APAF1: variants seen among roughly 807,000 people sequenced by gnomAD.
APAF1 encodes the protein apoptotic peptidase activating factor 1.
In APAF1, 91 loss-of-function variants were observed where a neutral mutation model predicts 152.4. That is an observed-to-expected ratio of 0.60 (90% CI 0.50 to 0.71). The LOEUF (loss-of-function observed/expected upper bound fraction) is 0.71. APAF1 is among the 30% of genes least tolerant of loss of function. The probability of loss-of-function intolerance (pLI) is 0.00; values close to 1 mark genes in which losing one functional copy is unlikely to be tolerated. For missense variants in APAF1, 1,283 were observed against 1,472.0 expected, an observed-to-expected ratio of 0.87 and a Z score of 2.10; for synonymous variants, 484 against 494.1, an observed-to-expected ratio of 0.98 and a Z score of 0.27.
intron 16 of APAF1, among the ~76,000 whole-genome samples, chr12:98,690,548 A>G (rs919699): frequency 0.9 from 137,136 of 152,194 alleles, 61,863 homozygotes; most frequent in African/African-American, 0.94. Context: ...CTAATTCCAA[A>G]TTCTGGGAAG....
chr12:98,683,425 C>T, intron 15 of APAF1, 151 bp downstream of exon 15: 2 of 824,768 alleles, frequency 2.4e-6, no homozygotes, highest in Non-Finnish European at 3.9e-6. Context: ...AAAAAAATAG[C>T]TTAAAAATAT....
chr12:98,662,811 G>C lies in APAF1; in HGVS notation c.955+5G>C. 6.2e-7 allele frequency: 1 copy of C among 1,606,996 alleles called. No homozygotes were observed. The highest frequency in any genetic ancestry group is 1.1e-5 in the South Asian group (1 of 90,738). Reference sequence around the variant, plus strand: ...GTATTATAAAAGAATGTAAAGGTATGGTTATTTATTTGTTTATGAGGAGAT... The same window carrying C: ...GTATTATAAAAGAATGTAAAGGTATCGTTATTTATTTGTTTATGAGGAGAT... On this transcript the variant is annotated splice_donor_5th_base_variant and intron_variant, in intron 7 of 26. Transcript: ENST00000551964.
At chr12:98,665,058 C>T (rs2097670375) in intron 7 of APAF1, among the ~76,000 whole-genome samples, 1 of 151,052 alleles carries the variant, frequency 6.6e-6, no homozygotes, top group Non-Finnish European at 1.5e-5. Context: ...AAGACAGAGT[C>T]TCACACTGTT....
chr12:98,664,623 G>A (rs955814432), intron 7 of APAF1, among the ~76,000 whole-genome samples: 1 of 151,918 alleles, frequency 6.6e-6, no homozygotes, highest in Non-Finnish European at 1.5e-5. Context: ...AGGCTTGAAT[G>A]TCTTGGCTTA....
At chr12:98,659,767 A>AT (rs1180389405) in intron 5 of APAF1, among the ~76,000 whole-genome samples, 1 of 150,808 alleles carries the variant, frequency 6.6e-6, no homozygotes, top group Non-Finnish European at 1.5e-5. Context: ...AAAAAAAAAA[A>AT]AAAAAGAGAG....
chr12:98,727,462 G>A (rs2097752192), intron 26 of APAF1, 146 bp downstream of exon 26: 3 of 881,894 alleles, frequency 3.4e-6, no homozygotes, highest in African/African-American at 1.7e-5. Flanking sequence ...TGGGAGGATC[G>A]CTGGAGTCTG....
At chr12:98,723,459 C>T (rs549993049) in intron 23 of APAF1, 147 bp downstream of exon 23, 1 of 1,030,302 alleles carries the variant, frequency 9.7e-7, no homozygotes, top group Non-Finnish European at 1.4e-6. Context: ...ATTGCAGTCA[C>T]CTACATCTGC....
chr12:98,721,658 C>T (rs1052389178), intron 22 of APAF1, among the ~76,000 whole-genome samples: 6 of 152,106 alleles, frequency 3.9e-5, no homozygotes, highest in East Asian at 1.9e-4. Flanking sequence ...ACTTCCAGTT[C>T]GTCTTCTAAA....
In APAF1 at chr12:98,662,449, A is replaced by C; in HGVS notation, c.711-7A>C. ...CATTAGTGATTAATATTTTTTTTTT[A>C]AATTAGGTCTCTCTTGATCTTGGAT... On this transcript the variant is annotated splice_polypyrimidine_tract_variant and splice_region_variant and intron_variant, in intron 5 of 26. Coordinates refer to ENST00000551964, the MANE Select transcript of APAF1 (RefSeq NM_181861.2). 6.3e-7 allele frequency: 1 copy of C among 1,589,372 alleles called. No individual in the cohort carries two copies. Among genetic ancestry groups the C allele is most frequent in the East Asian group, 2.2e-5 (1 of 44,606 alleles).
At chr12:98,682,337 G>A (rs2097693299) in intron 14 of APAF1, among the ~76,000 whole-genome samples, 1 of 152,210 alleles carries the variant, frequency 6.6e-6, no homozygotes, top group Non-Finnish European at 1.5e-5. Context: ...ACAGGCGTGA[G>A]CCACCGCGCC....
chr12:98,710,359 T>G, intron 20 of APAF1, among the ~76,000 whole-genome samples: 1 of 152,152 alleles, frequency 6.6e-6, no homozygotes, highest in East Asian at 1.9e-4. Context: ...TAACATAGTC[T>G]TATGCCATCT....
chr12:98,676,019 T>A (rs1213724780), intron 12 of APAF1, among the ~76,000 whole-genome samples: 1 of 152,186 alleles, frequency 6.6e-6, no homozygotes, highest in East Asian at 1.9e-4. Context: ...ATTTGCTCAT[T>A]TACACACCTA....
Position 98,666,185 on chromosome 12 carries a change from C to T in APAF1, c.1195-5C>T, listed in dbSNP as rs2097672504. The T allele has an allele frequency of 6.2e-7, 1 of 1,613,126 alleles. No individual in the cohort carries two copies. Among genetic ancestry groups the T allele is most frequent in the Non-Finnish European group, 8.5e-7 (1 of 1,179,274 alleles). ...GGCATATTAAATACTTACAACAATT[C>T]CTAGGTGTTATGTATTCTCTGGGAC... is the stretch of plus-strand genomic sequence containing the variant. On this transcript the variant is annotated splice_region_variant and splice_polypyrimidine_tract_variant and intron_variant, in intron 8 of 26. Transcript: ENST00000551964.
At chr12:98,725,624 C>G in intron 25 of APAF1, 84 bp downstream of exon 25, 2 of 1,582,310 alleles carry the variant, frequency 1.3e-6, no homozygotes, top group African/African-American at 1.3e-5. Flanking sequence ...TGTTCACGGG[C>G]CAGGGAAGCA....
chr12:98,677,435 AACATC>A lies in APAF1; in HGVS notation c.1807_1811del (p.Ile603GlufsTer21). On this transcript the variant is annotated frameshift_variant, in exon 13 of 27. Transcript: ENST00000551964. LOFTEE classifies it high-confidence loss of function. ...TTTCCCTGTATTTAGAAACAAAAAAAACATCACGAATCTTTCCCGCTTAGTTGTCC... is the reference window on the plus strand; with the variant it reads ...TTTCCCTGTATTTAGAAACAAAAAAAACGAATCTTTCCCGCTTAGTTGTCC... 1 of 1,614,164 alleles carries A rather than the reference AACATC, an allele frequency of 6.2e-7. No homozygotes were observed. Among genetic ancestry groups the A allele is most frequent in the South Asian group, 1.1e-5 (1 of 91,080 alleles).
At chr12:98,727,666 C>G (rs1331921004) in intron 26 of APAF1, among the ~76,000 whole-genome samples, 1 of 152,000 alleles carries the variant, frequency 6.6e-6, no homozygotes, top group African/African-American at 2.4e-5. Flanking sequence ...AAAAGCCAGG[C>G]ACGGTGGCTC....
rs1310318800 is a variant in APAF1 at position 98,733,756 on chromosome 12, A to AAAACTTGTATGTTGGAAAGAGTAGATTTT, written c.*1192_*1220dup. On this transcript the variant is annotated 3_prime_UTR_variant, in exon 27 of 27. Coordinates refer to ENST00000551964, the MANE Select transcript of APAF1 (RefSeq NM_181861.2). Reference sequence around the variant, plus strand: ...CCTTCAGCAGTTCTTTTTGTGAAGTAAAACTTGTATGTTGGAAAGAGTAGA... The same window carrying AAAACTTGTATGTTGGAAAGAGTAGATTTT: ...CCTTCAGCAGTTCTTTTTGTGAAGTAAAACTTGTATGTTGGAAAGAGTAGATTTTAAACTTGTATGTTGGAAAGAGTAGA... 12 of 152,252 alleles carry AAAACTTGTATGTTGGAAAGAGTAGATTTT rather than the reference A, an allele frequency of 7.9e-5. No homozygotes were observed. Among genetic ancestry groups the AAAACTTGTATGTTGGAAAGAGTAGATTTT allele is most frequent in the Non-Finnish European group, 1.5e-4 (10 of 68,070 alleles). 9.4% of individuals were successfully genotyped at this position (152,252 alleles called of 1,614,324 possible).
intron 22 of APAF1, among the ~76,000 whole-genome samples, chr12:98,719,435 C>T (rs1287918554): frequency 2.0e-5 from 3 of 152,134 alleles, no homozygotes; most frequent in South Asian, 2.1e-4. Context: ...CTGCAGCCTC[C>T]GCCTCCTGGG....
rs564591666 is a variant in APAF1 at position 98,677,008 on chromosome 12, C to G, written c.1794-417C>G. Among the ~76,000 whole-genome samples the G allele has an allele frequency of 5.9e-5, 9 of 152,212 alleles. No individual in the cohort carries two copies. In the South Asian group the frequency reaches 1.7e-3, roughly 28 times the overall value. On this transcript the variant is annotated intron_variant, in intron 12 of 26. Transcript: ENST00000551964. ...GTGTTTCCTTCAGTTAGGAAATGAG[C>G]ATTTTGCTATGATTTTTATTTTAAA...
Sources: gnomAD v4.1 joint callset for allele counts (sites outside exome capture counted in the v4.1 genomes callset) on GRCh38, gnomAD v4.1.1 for gene constraint, MANE v1.5 for transcripts, NCBI Gene and HGNC (gene_info 2026-07-23, HGNC 2026-07-21) for gene names.